PHF21A: variants seen among roughly 807,000 people sequenced by gnomAD.
PHF21A encodes BHC80a.
A neutral mutation model predicts 82.5 loss-of-function variants in PHF21A; 11 were observed. That is an observed-to-expected ratio of 0.13 (90% CI 0.08 to 0.22). PHF21A has a LOEUF of 0.22. Among genes scored for constraint, PHF21A ranks in the 10% least tolerant of loss-of-function variants. PHF21A has a pLI of 1.00. For synonymous variants in PHF21A, 297 were observed against 302.8 expected (o/e 0.98, Z 0.20); for missense variants, 579 against 837.8 (o/e 0.69, Z 3.81).
chr11:46,028,325 A>C (rs948974371), intron 6 of PHF21A, among the ~76,000 whole-genome samples: 1 of 152,156 alleles, frequency 6.6e-6, no homozygotes, highest in Non-Finnish European at 1.5e-5. Flanking sequence ...AAAAATAATA[A>C]TACTATACAT....
At chr11:46,061,837 G>C (rs1394754012) in intron 6 of PHF21A, among the ~76,000 whole-genome samples, 1 of 152,118 alleles carries the variant, frequency 6.6e-6, no homozygotes, top group Non-Finnish European at 1.5e-5. Flanking sequence ...TCGTTTGATG[G>C]AGAACCTCCT....
intron 14 of PHF21A, 35 bp from the exon 15 acceptor site, chr11:45,946,038 CGGGGAGGGAAA>C (rs1565191839): frequency 4.3e-6 from 7 of 1,613,662 alleles, no homozygotes; most frequent in African/African-American, 1.3e-5. Context: ...AAGGGAAAAA[CGGGGAGGGAAA>C]GAGAGGGGGA....
intron 6 of PHF21A, among the ~76,000 whole-genome samples, chr11:46,042,482 T>C (rs1282273040): frequency 2.6e-5 from 4 of 152,166 alleles, no homozygotes; most frequent in African/African-American, 9.7e-5. Flanking sequence ...AATCACTGAA[T>C]GGTTTTTATA....
At chr11:45,965,003 T>G (rs538588075) in intron 10 of PHF21A, among the ~76,000 whole-genome samples, 1 of 152,224 alleles carries the variant, frequency 6.6e-6, no homozygotes, top group Non-Finnish European at 1.5e-5. Flanking sequence ...TTCTGTTTAC[T>G]ACCTCATCTG....
At chr11:46,000,688 G>A (rs1004238405) in intron 6 of PHF21A, among the ~76,000 whole-genome samples, 1 of 152,152 alleles carries the variant, frequency 6.6e-6, no homozygotes, top group Non-Finnish European at 1.5e-5. Flanking sequence ...GGGAGGCTGA[G>A]GCAGGCAGAT....
chr11:46,080,625 T>C (rs2096779679), intron 4 of PHF21A, among the ~76,000 whole-genome samples: 1 of 152,164 alleles, frequency 6.6e-6, no homozygotes, highest in Admixed American at 6.5e-5. Flanking sequence ...GTCCACTCCT[T>C]AACGTCAAGT....
intron 6 of PHF21A, among the ~76,000 whole-genome samples, chr11:46,010,961 A>T (rs773034566): frequency 1.3e-5 from 2 of 152,014 alleles, no homozygotes; most frequent in Non-Finnish European, 2.9e-5. Flanking sequence ...CTGTATAAAA[A>T]ACTTTCTCTT....
chr11:46,016,366 G>A (rs919781831), intron 6 of PHF21A, among the ~76,000 whole-genome samples: 3 of 151,952 alleles, frequency 2.0e-5, no homozygotes, highest in African/African-American at 2.4e-5. Context: ...ACTATACTTC[G>A]CCTCCCATTA....
chr11:46,040,137 T>C (rs2096097826), intron 6 of PHF21A, among the ~76,000 whole-genome samples: 1 of 152,240 alleles, frequency 6.6e-6, no homozygotes, highest in African/African-American at 2.4e-5. Context: ...TGGTTTCTTC[T>C]GAACAACCTC....
At chr11:46,096,561 A>T (rs577266649) in intron 1 of PHF21A, among the ~76,000 whole-genome samples, 1 of 151,388 alleles carries the variant, frequency 6.6e-6, no homozygotes, top group South Asian at 2.1e-4. Flanking sequence ...CCTCCTCAAA[A>T]TTTTTTTTCT....
intron 6 of PHF21A, among the ~76,000 whole-genome samples, chr11:45,998,342 T>C (rs1194133938): frequency 1.3e-5 from 2 of 152,210 alleles, no homozygotes; most frequent in Non-Finnish European, 2.9e-5. Context: ...GTTAGGGCCA[T>C]GGATAGAGTG....
chr11:45,995,137 G>C (rs1344371525), intron 6 of PHF21A, among the ~76,000 whole-genome samples: 1 of 152,188 alleles, frequency 6.6e-6, no homozygotes, highest in Non-Finnish European at 1.5e-5. Flanking sequence ...CTGATTTCAG[G>C]TTGGCTGCTA....
At chr11:45,936,637 G>C in intron 16 of PHF21A, 68 bp from the exon 17 acceptor site, 1 of 1,008,884 alleles carries the variant, frequency 9.9e-7, no homozygotes, top group Non-Finnish European at 1.6e-6. Context: ...GTAACAGCTA[G>C]CAGTGGTATC....
intron 1 of PHF21A, among the ~76,000 whole-genome samples, chr11:46,105,162 C>T (rs1050009360): frequency 6.6e-6 from 1 of 152,312 alleles, no homozygotes; most frequent in Admixed American, 6.5e-5. Flanking sequence ...AGAGCTAATA[C>T]GTGGCAAAGC....
At chr11:45,986,270 T>C (rs1418242906) in intron 6 of PHF21A, among the ~76,000 whole-genome samples, 1 of 152,136 alleles carries the variant, frequency 6.6e-6, no homozygotes, top group Admixed American at 6.6e-5. Context: ...AATTCACTCA[T>C]GCTCTAATAG....
intron 6 of PHF21A, among the ~76,000 whole-genome samples, chr11:45,989,033 T>C (rs2094586780): frequency 6.6e-6 from 1 of 152,190 alleles, no homozygotes; most frequent in Non-Finnish European, 1.5e-5. Flanking sequence ...ATAAATTTAC[T>C]TTCTGACAAG....
intron 6 of PHF21A, among the ~76,000 whole-genome samples, chr11:46,071,793 T>A (rs575743577): frequency 1.3e-4 from 19 of 151,638 alleles, no homozygotes; most frequent in African/African-American, 4.3e-4. Flanking sequence ...AAAATCATGA[T>A]ATAGCCAATT....
intron 7 of PHF21A, among the ~76,000 whole-genome samples, chr11:45,972,899 G>A (rs1486111573): frequency 6.6e-6 from 1 of 151,210 alleles, no homozygotes; most frequent in Non-Finnish European, 1.5e-5. Context: ...GTGAGAGAGC[G>A]AGTCTCCGTC....
intron 6 of PHF21A, among the ~76,000 whole-genome samples, chr11:46,054,699 C>T (rs2096425074): frequency 6.6e-6 from 1 of 152,162 alleles, no homozygotes; most frequent in African/African-American, 2.4e-5. Context: ...TAATATGCCA[C>T]TAGAAGGTAA....
Sources: gnomAD v4.1 joint callset for allele counts (sites outside exome capture counted in the v4.1 genomes callset) on GRCh38, gnomAD v4.1.1 for gene constraint, MANE v1.5 for transcripts, NCBI Gene and HGNC (gene_info 2026-07-23, HGNC 2026-07-21) for gene names.